Variants in PCDH15 observed in about 807,000 individuals in gnomAD.
The protein encoded by PCDH15 is protocadherin related 15.
A neutral mutation model predicts 178.5 loss-of-function variants in PCDH15; 129 were observed. The observed-to-expected ratio is 0.72, with a 90% CI of 0.63 to 0.84. The LOEUF is 0.84. Ranked by LOEUF, PCDH15 falls within the 40% of genes least tolerant of loss-of-function variation. PCDH15 has a pLI of 0.00. For synonymous variants in PCDH15, 800 were observed against 732.0 expected, an observed-to-expected ratio of 1.09 and a Z score of -1.50; for missense variants, 2,230 against 2,099.9, an observed-to-expected ratio of 1.06 and a Z score of -1.21.
chr10:55,327,160 A>G (rs1181302953), intron 2 of PCDH15, among the ~76,000 whole-genome samples: 2 of 151,996 alleles, frequency 1.3e-5, no homozygotes, highest in Non-Finnish European at 2.9e-5. Flanking sequence ...CATAAACGAG[A>G]CCCCAGCAAT....
intron 8 of PCDH15, among the ~76,000 whole-genome samples, chr10:54,307,094 GTGTGTGTGTGTATATATATATATATA>G (rs2060572603): frequency 1.2e-4 from 1 of 8,180 alleles, no homozygotes; most frequent in South Asian, 5.1e-3. Context: ...ATATATATAT[GTGTGTGTGTGTATATATATATATATA>G]TATATATATA....
At chr10:53,837,768 CATACACACAT>C (rs1564577760) in intron 29 of PCDH15, among the ~76,000 whole-genome samples, 1 of 151,674 alleles carries the variant, frequency 6.6e-6, no homozygotes, top group Admixed American at 6.6e-5. Context: ...CACACACACA[CATACACACAT>C]ATACACATGT....
At chr10:54,909,233 C>T (rs1564622198) in intron 2 of PCDH15, among the ~76,000 whole-genome samples, 3 of 152,168 alleles carry the variant, frequency 2.0e-5, no homozygotes, top group Non-Finnish European at 2.9e-5. Flanking sequence ...TTCAGGCCTT[C>T]CCTGGCTTGA....
At chr10:54,035,773 G>T (rs896141518) in intron 18 of PCDH15, among the ~76,000 whole-genome samples, 1 of 152,020 alleles carries the variant, frequency 6.6e-6, no homozygotes, top group East Asian at 1.9e-4. Flanking sequence ...AGCTTAGTGA[G>T]AAAGGTAGGT....
At chr10:54,475,645 T>C (rs1011028859) in intron 3 of PCDH15, among the ~76,000 whole-genome samples, 3 of 151,890 alleles carry the variant, frequency 2.0e-5, no homozygotes, top group African/African-American at 7.2e-5. Flanking sequence ...AAGCAAAACA[T>C]AATTAGCAGA....
intron 1 of PCDH15, among the ~76,000 whole-genome samples, chr10:55,188,092 A>C (rs528967797): frequency 6.6e-6 from 1 of 151,918 alleles, no homozygotes; most frequent in African/African-American, 2.4e-5. Flanking sequence ...AAATCAATAG[A>C]ATTTGCTAAT....
chr10:54,330,732 C>A (rs1300139628), intron 6 of PCDH15, among the ~76,000 whole-genome samples: 1 of 151,840 alleles, frequency 6.6e-6, no homozygotes, highest in Non-Finnish European at 1.5e-5. Flanking sequence ...GTATTCACAC[C>A]TTAAGGGAGT....
At chr10:55,441,366 A>T (rs985612055) in intron 2 of PCDH15, among the ~76,000 whole-genome samples, 2 of 152,324 alleles carry the variant, frequency 1.3e-5, no homozygotes, top group African/African-American at 4.8e-5. Flanking sequence ...GCAAATTTTC[A>T]TTTCCCAAAT....
At chr10:54,057,357 C>T (rs559255279) in intron 18 of PCDH15, among the ~76,000 whole-genome samples, 112 of 152,334 alleles carry the variant, frequency 7.4e-4, no homozygotes, top group Non-Finnish European at 1.2e-3. Flanking sequence ...CATTTCCATA[C>T]ATCCTCTGAA....
chr10:54,494,465 A>G (rs906750176), intron 3 of PCDH15, among the ~76,000 whole-genome samples: 7 of 152,114 alleles, frequency 4.6e-5, no homozygotes, highest in African/African-American at 1.4e-4. Context: ...ATTTTAACCA[A>G]TTTCGGTTAA....
intron 2 of PCDH15, among the ~76,000 whole-genome samples, chr10:55,484,734 A>G (rs1360162698): frequency 6.6e-6 from 1 of 151,716 alleles, no homozygotes; most frequent in Non-Finnish European, 1.5e-5. Context: ...AAATTCTTGC[A>G]TTTACAGCCA....
chr10:54,566,038 C>CG (rs1442362191), intron 2 of PCDH15, among the ~76,000 whole-genome samples: 1 of 152,080 alleles, frequency 6.6e-6, no homozygotes, highest in Non-Finnish European at 1.5e-5. Flanking sequence ...GAGCTGAGAT[C>CG]GTGCCATTTC....
chr10:55,336,116 T>A (rs1844381722), intron 2 of PCDH15, among the ~76,000 whole-genome samples: 1 of 118,782 alleles, frequency 8.4e-6, no homozygotes, highest in Non-Finnish European at 1.7e-5. Flanking sequence ...TATGGCACCT[T>A]GGTATTTGAA....
At chr10:55,012,498 A>G (rs1840067913) in intron 2 of PCDH15, among the ~76,000 whole-genome samples, 1 of 152,064 alleles carries the variant, frequency 6.6e-6, no homozygotes, top group Admixed American at 6.6e-5. Context: ...TAGTAATTCC[A>G]TTTCTTCAGC....
chr10:55,226,391 A>G (rs767434319), intron 1 of PCDH15, among the ~76,000 whole-genome samples: 6 of 150,736 alleles, frequency 4.0e-5, no homozygotes, highest in Non-Finnish European at 7.4e-5. Flanking sequence ...TGTTTTTGAG[A>G]CCGAGCCTCA....
At chr10:54,723,070 T>G (rs1591288457) in intron 1 of PCDH15, among the ~76,000 whole-genome samples, 1 of 151,462 alleles carries the variant, frequency 6.6e-6, no homozygotes, top group Non-Finnish European at 1.5e-5. Flanking sequence ...GGAAGCAAAA[T>G]AGATCCCAAA....
chr10:54,192,620 G>A (rs1365283005), intron 11 of PCDH15, among the ~76,000 whole-genome samples: 1 of 151,874 alleles, frequency 6.6e-6, no homozygotes, highest in Non-Finnish European at 1.5e-5. Context: ...AATATTCTAT[G>A]AGCTTATTTA....
At chr10:54,181,775 T>C (rs1330771533) in intron 13 of PCDH15, among the ~76,000 whole-genome samples, 1 of 152,204 alleles carries the variant, frequency 6.6e-6, no homozygotes, top group African/African-American at 2.4e-5. Flanking sequence ...GTTTTTTCTC[T>C]CTTTACCAAA....
At position 55,503,133 on chromosome 10, in the gene PCDH15, A is replaced by G. The variant is rs543669792; in HGVS notation, c.-156+124492T>C. On this transcript the variant is annotated intron_variant, in intron 2 of 5. Transcript: ENST00000613346. ...GTTTTGAATTATTAATTCATTAAAC[A>G]CATATATTTAATGCTTATTATGAGT... Among the ~76,000 whole-genome samples the G allele has an allele frequency of 8.9e-4, 135 of 151,528 alleles. 2 individuals are homozygous for G. The highest frequency in any genetic ancestry group is 2.3e-3 in the Admixed American group (35 of 15,122).
Sources: allele counts gnomAD v4.1 joint callset (sites outside exome capture counted in the v4.1 genomes callset), GRCh38; gene constraint gnomAD v4.1.1; transcripts MANE v1.5; gene names NCBI Gene and HGNC (gene_info 2026-07-23, HGNC 2026-07-21).